SLC25A46: variants seen among roughly 807,000 people sequenced by gnomAD.
SLC25A46 encodes mitochondrial outer membrane protein SLC25A46.
A neutral mutation model predicts 44.6 loss-of-function variants in SLC25A46; 39 were observed. That is an observed-to-expected ratio of 0.87 (90% confidence interval 0.68 to 1.14). The LOEUF (loss-of-function observed/expected upper bound fraction) is 1.14, where lower values mean the gene tolerates loss of function less well. SLC25A46 is among the 50% of genes most tolerant of loss of function. The pLI is 0.00. For synonymous variants in SLC25A46, 202 were observed against 185.8 expected (o/e 1.09, Z -0.71); for missense variants, 547 against 522.7 (o/e 1.05, Z -0.45).
chr5:110,744,621 A>C (rs1284190703), intron 3 of SLC25A46, among the ~76,000 whole-genome samples: 1 of 152,196 alleles, frequency 6.6e-6, no homozygotes, highest in Non-Finnish European at 1.5e-5. Flanking sequence ...ATGCATATAG[A>C]TTTTCCAAAA....
intron 5 of SLC25A46, among the ~76,000 whole-genome samples, chr5:110,748,670 C>A (rs570495562): frequency 6.6e-6 from 1 of 152,164 alleles, no homozygotes; most frequent in East Asian, 1.9e-4. Context: ...AGCTGAGGAA[C>A]AAATGTGGGT....
At chr5:110,759,221 A>G (rs923521868) in intron 7 of SLC25A46, among the ~76,000 whole-genome samples, 1 of 152,178 alleles carries the variant, frequency 6.6e-6, no homozygotes, top group Non-Finnish European at 1.5e-5. Context: ...AGCAAAAATA[A>G]AGCAAGGAAG....
rs1249035501 is a variant in SLC25A46 at position 110,746,476 on chromosome 5, T to G, written c.462+130T>G. 3 of 597,372 alleles carry G rather than the reference T, an allele frequency of 5.0e-6. No homozygotes were observed. The Admixed American group carries it at 1.0e-4, about 21-fold the overall frequency. The allele number at this position is 597,372 out of a possible 1,614,324, so 37.0% of individuals were successfully genotyped here. On this transcript the variant is annotated intron_variant, in intron 4 of 7. Coordinates refer to ENST00000355943, the MANE Select transcript of SLC25A46 (RefSeq NM_138773.4). ...CTTAACTGTTGTAGTAAAACTAAAGTAGCACAACGATATGTTTTTGAATCT... is the reference window on the plus strand; with the variant it reads ...CTTAACTGTTGTAGTAAAACTAAAGGAGCACAACGATATGTTTTTGAATCT...
rs770969480 is a variant in SLC25A46, at chr5:110,739,370, G to A, written c.251G>A (p.Gly84Asp). ...CCCACGGAGGAACCCTTTTCCAGTG[G>A]CGGCGGCGGCAGTGTGCAGGGGCAG... ...EGPTEEPFSS[G>D]GGGSVQGQSS... is the part of the protein sequence containing the mutation. Residue 84 changes from glycine (G) to aspartate (D), a missense_variant, in exon 1 of 8, where the codon GGC becomes GAC. Transcript: ENST00000355943. 31 of 1,551,476 alleles carry A rather than the reference G, an allele frequency of 2.0e-5. No individual in the cohort carries two copies. Among genetic ancestry groups the A allele is most frequent in the South Asian group, 5.9e-5 (5 of 84,852 alleles).
rs1800263393 is a variant in SLC25A46, at chr5:110,761,913, C to A, written c.*131C>A. 5.4e-6 allele frequency: 4 copies of A among 737,388 alleles called. No homozygotes were observed. The highest frequency in any genetic ancestry group is 1.8e-5 in the African/African-American group (1 of 56,098). The allele number at this position is 737,388 out of a possible 1,614,324, so 45.7% of individuals were successfully genotyped here. A position where few individuals can be genotyped will look rare whatever the true frequency, so the allele number is the denominator to read the frequency against. On this transcript the variant is annotated 3_prime_UTR_variant, in exon 8 of 8. Transcript: ENST00000355943. The surrounding 1 kb of genome is among the most constrained non-coding windows in gnomAD (Gnocchi z 5.3). Reference sequence around the variant, plus strand: ...AGTAAAATTGGTACTAAAGCCCATACTGATTATCTTGACTTTGTTTTTTAA... The same window carrying A: ...AGTAAAATTGGTACTAAAGCCCATAATGATTATCTTGACTTTGTTTTTTAA...
Position 110,761,940 on chromosome 5 carries a change from G to A in SLC25A46, c.*158G>A. The A allele has an allele frequency of 1.6e-6, 1 of 617,366 alleles. No individual in the cohort carries two copies. The allele number at this position is 617,366 out of a possible 1,614,324, so 38.2% of individuals were successfully genotyped here. Reference sequence around the variant, plus strand: ...GATTATCTTGACTTTGTTTTTTAAGGCATAGGTATATATTTTGGATCAAAA... The same window carrying A: ...GATTATCTTGACTTTGTTTTTTAAGACATAGGTATATATTTTGGATCAAAA... On this transcript the variant is annotated 3_prime_UTR_variant, in exon 8 of 8. Coordinates refer to ENST00000355943, the MANE Select transcript of SLC25A46 (RefSeq NM_138773.4). The surrounding 1 kb of genome is among the most constrained non-coding windows in gnomAD (Gnocchi z 5.3).
At position 110,761,500 on chromosome 5, in the gene SLC25A46, T is replaced by C; in HGVS notation, c.975T>C (p.Leu325=). 6.2e-7 allele frequency: 1 copy of C among 1,613,846 alleles called. No homozygotes were observed. Residue 325 remains leucine (L), a synonymous_variant, in exon 8 of 8, where the codon CTT becomes CTC. Transcript: ENST00000355943. This position sits in a 1 kb window ranked among gnomAD's most constrained non-coding sequence, Gnocchi z 5.3. ...PELIANFAAS[L]CSDVILYPLE... ...TTATTGCTAACTTTGCTGCCAGTCT[T>C]TGTTCTGACGTTATACTTTACCCAT... is the stretch of plus-strand genomic sequence containing the variant.
intron 6 of SLC25A46, 102 bp downstream of exon 6, chr5:110,755,623 AGAGCAGTGAAATGTTGGTGG>A (rs1275439739): frequency 4.8e-5 from 33 of 682,102 alleles, no homozygotes; most frequent in Non-Finnish European, 8.0e-5. Flanking sequence ...GAAGGAAATT[AGAGCAGTGAAATGTTGGTGG>A]GACTATAACT....
chr5:110,755,786 T>C lies in SLC25A46; in HGVS notation c.620+265T>C, dbSNP rs114747093. On this transcript the variant is annotated intron_variant, in intron 6 of 7. Coordinates refer to ENST00000355943, the MANE Select transcript of SLC25A46 (RefSeq NM_138773.4). The stretch of plus-strand genomic sequence containing the variant: ...TGTTTTCTTAGGAAGTTAGCATAGG[T>C]CTTCAATTTATTTAACCCAGATTTT... 6.3e-3 allele frequency among the ~76,000 whole-genome samples: 958 copies of C among 152,242 alleles called. 11 individuals are homozygous for C. Among genetic ancestry groups the C allele is most frequent in the African/African-American group, 0.022 (906 of 41,544 alleles).
chr5:110,748,696 G>A (rs886963304), intron 5 of SLC25A46, among the ~76,000 whole-genome samples: 2 of 152,090 alleles, frequency 1.3e-5, no homozygotes, highest in African/African-American at 4.8e-5. Flanking sequence ...AGCAATTCCC[G>A]CTCTTTAAGT....
At position 110,763,906 on chromosome 5, in the gene SLC25A46, G is replaced by A. The variant is rs763905118; in HGVS notation, c.*2124G>A. The A allele has an allele frequency of 2.0e-4, 31 of 151,732 alleles. No individual in the cohort carries two copies. Among genetic ancestry groups the A allele is most frequent in the African/African-American group, 6.8e-4 (28 of 41,458 alleles). The allele number at this position is 151,732 out of a possible 1,614,324, so 9.4% of individuals were successfully genotyped here. A position where few individuals can be genotyped will look rare whatever the true frequency, so the allele number is the denominator to read the frequency against. Reference sequence around the variant, plus strand: ...AATTAGTTGAAACAAAATCTTGAACGGTCACGCACTTAAATTTAAGCTAGC... The same window carrying A: ...AATTAGTTGAAACAAAATCTTGAACAGTCACGCACTTAAATTTAAGCTAGC... On this transcript the variant is annotated 3_prime_UTR_variant, in exon 8 of 8. Transcript: ENST00000355943.
chr5:110,765,068 CTTTT>C lies in SLC25A46; in HGVS notation c.*3295_*3298del, dbSNP rs576080911. ...ACCTAGAGATGTTTTGTCTGTATGA[CTTTT>C]TTTTTTTTAAGTTTGTCTTACTGTT... On this transcript the variant is annotated 3_prime_UTR_variant, in exon 8 of 8. Transcript: ENST00000355943. The C allele has an allele frequency of 7.0e-6, 1 of 143,348 alleles. No homozygotes were observed. Among genetic ancestry groups the C allele is most frequent in the South Asian group, 2.2e-4 (1 of 4,532 alleles). The allele number at this position is 143,348 out of a possible 1,614,324, so 8.9% of individuals were successfully genotyped here.
At chr5:110,749,545 A>C (rs1044505980) in intron 5 of SLC25A46, among the ~76,000 whole-genome samples, 5 of 151,684 alleles carry the variant, frequency 3.3e-5, no homozygotes, top group African/African-American at 9.7e-5. Flanking sequence ...TAATGAGAGA[A>C]ATTAGAGAGG....
At chr5:110,745,423 T>C (rs1225630518) in intron 3 of SLC25A46, 2 of 152,228 alleles carry the variant, frequency 1.3e-5, no homozygotes, top group African/African-American at 4.8e-5. Flanking sequence ...CCAGCTAATT[T>C]TTTGTATTTT....
chr5:110,761,224 T>A lies in SLC25A46; in HGVS notation c.699T>A (p.Asn233Lys), dbSNP rs755870527. 4.4e-6 allele frequency: 7 copies of A among 1,603,226 alleles called. No homozygotes were observed. The highest frequency in any genetic ancestry group is 4.0e-5 in the African/African-American group (3 of 74,286). Residue 233 changes from asparagine to lysine, a missense_variant, in exon 8 of 8, where the codon AAT (asparagine) becomes AAA (lysine). Asn to Lys is a moderately conservative substitution (Grantham distance 94). Transcript: ENST00000355943. This position sits in a 1 kb window ranked among gnomAD's most constrained non-coding sequence, Gnocchi z 5.3. Reference protein sequence around the residue: ...ETVQSEIIRDNTGILECVKEG... With the variant: ...ETVQSEIIRDKTGILECVKEG... Reference sequence around the variant, plus strand: ...TTCAGAGTGAGATAATTCGAGATAATACTGGCATTTTGGAGTGTGTTAAAG... The same window carrying A: ...TTCAGAGTGAGATAATTCGAGATAAAACTGGCATTTTGGAGTGTGTTAAAG...
chr5:110,755,461 T>G lies in SLC25A46; in HGVS notation c.564-4T>G. On this transcript the variant is annotated splice_polypyrimidine_tract_variant and splice_region_variant and intron_variant, in intron 5 of 7. Transcript: ENST00000355943. The stretch of plus-strand genomic sequence containing the variant: ...TTTTATTTAAGTTTATTTTTATGTT[T>G]TAGGGAGGTTTTACATAAATGGAGT... The G allele has an allele frequency of 6.5e-7, 1 of 1,530,588 alleles. No homozygotes were observed. Among genetic ancestry groups the G allele is most frequent in the Non-Finnish European group, 8.9e-7 (1 of 1,120,706 alleles). The allele number at this position is 1,530,588 out of a possible 1,614,324, so 94.8% of individuals were successfully genotyped here. A position where few individuals can be genotyped will look rare whatever the true frequency, so the allele number is the denominator to read the frequency against.
chr5:110,740,494 A>C (rs1799637911), intron 1 of SLC25A46, among the ~76,000 whole-genome samples: 1 of 152,140 alleles, frequency 6.6e-6, no homozygotes, highest in Non-Finnish European at 1.5e-5. Flanking sequence ...CCTTGACACA[A>C]GCAGGGGTTT....
In SLC25A46 at chr5:110,761,262, G is replaced by C. The variant is rs1800241102; in HGVS notation, c.737G>C (p.Arg246Thr). The C allele has an allele frequency of 2.5e-6, 4 of 1,613,448 alleles. No individual in the cohort carries two copies. Among genetic ancestry groups the C allele is most frequent in the Non-Finnish European group, 3.4e-6 (4 of 1,179,666 alleles). Residue 246 changes from arginine to threonine, a missense_variant, in exon 8 of 8, where the codon AGA (arginine) becomes ACA (threonine). Arg to Thr is a moderately conservative substitution (Grantham distance 71, BLOSUM62 -1). Transcript: ENST00000355943. This position sits in a 1 kb window ranked among gnomAD's most constrained non-coding sequence, Gnocchi z 5.3. ...ILECVKEGIG[R>T]VIGMGVPHSK... is the part of the protein sequence containing the mutation. ...GAGTGTGTTAAAGAAGGAATTGGAA[G>C]AGTGATAGGCATGGGAGTGCCTCAT...
In SLC25A46 at chr5:110,739,147, G is replaced by A; in HGVS notation, c.28G>A (p.Asp10Asn). Residue 10 changes from aspartate to asparagine, a missense_variant, in exon 1 of 8, where the codon GAT (aspartate) becomes AAT (asparagine). By Grantham distance (23) the Asp-to-Asn change is conservative. Coordinates refer to ENST00000355943, the MANE Select transcript of SLC25A46 (RefSeq NM_138773.4). MHPRRPDGFDGLGYRGGARD... is the reference protein window; with the variant it reads MHPRRPDGFNGLGYRGGARD... Reference sequence around the variant, plus strand: ...GCATCCGCGGCGCCCGGACGGATTTGATGGCTTGGGCTACCGGGGTGGTGC... The same window carrying A: ...GCATCCGCGGCGCCCGGACGGATTTAATGGCTTGGGCTACCGGGGTGGTGC... 1 of 1,549,412 alleles carries A rather than the reference G, an allele frequency of 6.5e-7. No homozygotes were observed. The highest frequency in any genetic ancestry group is 8.7e-7 in the Non-Finnish European group (1 of 1,146,852).
Sources: gnomAD v4.1 joint callset for allele counts (sites outside exome capture counted in the v4.1 genomes callset) on GRCh38, gnomAD v4.1.1 for gene constraint, Gnocchi (gnomAD v3.1) non-coding constraint, MANE v1.5 for transcripts, NCBI Gene and HGNC (gene_info 2026-07-23, HGNC 2026-07-21) for gene names.